CLDN10: variants seen among roughly 807,000 people sequenced by gnomAD.
CLDN10 encodes the protein claudin 10.
A neutral mutation model predicts 22.9 loss-of-function variants in CLDN10; 15 were observed. The observed-to-expected ratio is 0.65, with a 90% CI of 0.44 to 1.01. The LOEUF (loss-of-function observed/expected upper bound fraction) is 1.01, where lower values mean the gene tolerates loss of function less well. CLDN10 is among the 50% of genes least tolerant of loss of function. The pLI is 0.00. For missense variants in CLDN10, 247 were observed against 287.8 expected (o/e 0.86, Z 1.03); for synonymous variants, 114 against 111.4 (o/e 1.02, Z -0.15).
intron 1 of CLDN10, among the ~76,000 whole-genome samples, chr13:95,529,481 G>T (rs775093826): frequency 1.3e-5 from 2 of 152,038 alleles, no homozygotes; most frequent in Non-Finnish European, 2.9e-5. Context: ...TTTTTTTGGT[G>T]CTGCCAAGGG....
chr13:95,551,008 GT>G (rs771929752), upstream of CLDN10, among the ~76,000 whole-genome samples: 5 of 151,846 alleles, frequency 3.3e-5, no homozygotes, highest in Non-Finnish European at 7.4e-5. Flanking sequence ...TTTAAGTTTA[GT>G]TTACCAGTGA....
chr13:95,499,755 C>T (rs886633316), intron 1 of CLDN10, among the ~76,000 whole-genome samples: 13 of 152,044 alleles, frequency 8.6e-5, no homozygotes, highest in Non-Finnish European at 1.8e-4. Flanking sequence ...CAACACTGAC[C>T]CAGGCACTGA....
chr13:95,561,460 C>T lies in CLDN10; in HGVS notation c.464+997C>T, dbSNP rs75210297. Reference sequence around the variant, plus strand: ...AAATAATAGCTAGCGCATGTTGAGTCCCCACCAGGAGCCAAGCAGAGCACT... The same window carrying T: ...AAATAATAGCTAGCGCATGTTGAGTTCCCACCAGGAGCCAAGCAGAGCACT... On this transcript the variant is annotated intron_variant, in intron 3 of 4. Coordinates refer to ENST00000299339, the MANE Select transcript of CLDN10 (RefSeq NM_006984.5). Among the ~76,000 whole-genome samples the T allele has an allele frequency of 8.8e-3, 1,344 of 152,208 alleles. 22 individuals are homozygous for T. The highest frequency in any genetic ancestry group is 0.031 in the African/African-American group (1,281 of 41,546).
intron 1 of CLDN10, among the ~76,000 whole-genome samples, chr13:95,483,840 G>A (rs527480507): frequency 5.3e-5 from 8 of 152,156 alleles, no homozygotes; most frequent in South Asian, 2.1e-4. Flanking sequence ...TCCAAAACTC[G>A]TATGTTAAAA....
chr13:95,540,903 T>A (rs975944903), intron 1 of CLDN10, among the ~76,000 whole-genome samples: 7 of 152,204 alleles, frequency 4.6e-5, no homozygotes, highest in Non-Finnish European at 8.8e-5. Flanking sequence ...GAGGTTTGGG[T>A]GTTCTGCTCT....
intron 1 of CLDN10, among the ~76,000 whole-genome samples, chr13:95,434,523 A>G (rs80269053): frequency 0.019 from 2,192 of 113,346 alleles, 32 homozygotes; most frequent in Non-Finnish European, 0.027. Context: ...GTGTGTGTGT[A>G]TATATATATG....
chr13:95,563,264 T>C (rs1342180491), intron 3 of CLDN10, among the ~76,000 whole-genome samples: 1 of 152,010 alleles, frequency 6.6e-6, no homozygotes, highest in Non-Finnish European at 1.5e-5. Flanking sequence ...AGCAAACACC[T>C]TGTATTAGCT....
At chr13:95,494,021 C>T (rs933214261) in intron 1 of CLDN10, among the ~76,000 whole-genome samples, 3 of 151,974 alleles carry the variant, frequency 2.0e-5, no homozygotes, top group Admixed American at 1.3e-4. Context: ...AAGATAAAGA[C>T]GTTTTAACAT....
At chr13:95,531,698 T>A (rs1342676306) in intron 1 of CLDN10, among the ~76,000 whole-genome samples, 1 of 140,500 alleles carries the variant, frequency 7.1e-6, no homozygotes, top group Non-Finnish European at 1.5e-5. Flanking sequence ...CCTGGCTAAT[T>A]TTTTTTTTTT....
intron 1 of CLDN10, among the ~76,000 whole-genome samples, chr13:95,524,347 G>T (rs1246485300): frequency 2.6e-5 from 4 of 152,150 alleles, no homozygotes; most frequent in Non-Finnish European, 4.4e-5. Context: ...CCACTTTAAA[G>T]TGTTATTAGT....
At chr13:95,449,402 C>T (rs1414290605) in intron 1 of CLDN10, among the ~76,000 whole-genome samples, 3 of 151,858 alleles carry the variant, frequency 2.0e-5, no homozygotes, top group African/African-American at 7.3e-5. Context: ...CAGGCATGCA[C>T]CACCACACCC....
chr13:95,555,199 T>G (rs1337925839), intron 1 of CLDN10, among the ~76,000 whole-genome samples: 1 of 152,146 alleles, frequency 6.6e-6, no homozygotes, highest in African/African-American at 2.4e-5. Context: ...TACAGGCATG[T>G]GCCACCATGC....
chr13:95,440,486 G>A (rs2042314475), intron 1 of CLDN10, among the ~76,000 whole-genome samples: 1 of 152,080 alleles, frequency 6.6e-6, no homozygotes, highest in African/African-American at 2.4e-5. Context: ...GACCAGCCTG[G>A]GCAACACAGG....
chr13:95,510,988 A>C (rs11839820), intron 1 of CLDN10, among the ~76,000 whole-genome samples: 15,203 of 152,244 alleles, frequency 0.1, 913 homozygotes, highest in Non-Finnish European at 0.12. Context: ...GTCAGCCAAA[A>C]AAATGTAAAG....
intron 1 of CLDN10, among the ~76,000 whole-genome samples, chr13:95,541,717 G>A (rs1000691555): frequency 2.0e-5 from 3 of 152,134 alleles, no homozygotes; most frequent in Non-Finnish European, 4.4e-5. Flanking sequence ...GAACAGCAAG[G>A]TAGTGACAGC....
intron 1 of CLDN10, among the ~76,000 whole-genome samples, chr13:95,509,463 A>T (rs1395313956): frequency 6.6e-6 from 1 of 152,164 alleles, no homozygotes; most frequent in Non-Finnish European, 1.5e-5. Context: ...AAATTCCTTA[A>T]TTCAGAGGTG....
At chr13:95,481,461 C>A (rs947540858) in intron 1 of CLDN10, among the ~76,000 whole-genome samples, 13 of 152,170 alleles carry the variant, frequency 8.5e-5, no homozygotes, top group Admixed American at 7.2e-4. Flanking sequence ...TGAGGCTGGT[C>A]TTCAGACCAC....
intron 1 of CLDN10, among the ~76,000 whole-genome samples, chr13:95,478,942 G>A (rs1356801090): frequency 6.6e-6 from 1 of 152,248 alleles, no homozygotes. Flanking sequence ...TGCAGCCTAA[G>A]TGGCTTCCTG....
chr13:95,554,757 A>G (rs1329632134), intron 1 of CLDN10, among the ~76,000 whole-genome samples: 3 of 152,204 alleles, frequency 2.0e-5, no homozygotes, highest in Non-Finnish European at 4.4e-5. Context: ...TAACTGCTGC[A>G]TGGTATATTC....
Sources: gnomAD v4.1 joint callset for allele counts (sites outside exome capture counted in the v4.1 genomes callset) on GRCh38, gnomAD v4.1.1 for gene constraint, MANE v1.5 for transcripts, NCBI Gene and HGNC (gene_info 2026-07-23, HGNC 2026-07-21) for gene names.